RGS7: variants seen among roughly 807,000 people sequenced by gnomAD.
The protein encoded by RGS7 is regulator of G protein signaling 7, also known as regulator of G-protein signaling 7.
A neutral mutation model predicts 81.1 loss-of-function variants in RGS7; 27 were observed. The ratio of observed to expected loss-of-function variants is 0.33; its 90% CI spans 0.25 to 0.46. RGS7 has a LOEUF of 0.46. RGS7 is among the 20% of genes least tolerant of loss of function. The pLI, the probability that RGS7 is intolerant of heterozygous loss-of-function variation, is 1.00. For synonymous variants in RGS7, 208 were observed against 207.7 expected (o/e 1.00, Z -0.01); for missense variants, 396 against 607.4 (o/e 0.65, Z 3.66).
Position 241,271,158 on chromosome 1 carries a change from G to T in RGS7, c.78+84541C>A, listed in dbSNP as rs916528037. 4.6e-5 allele frequency among the ~76,000 whole-genome samples: 7 copies of T among 152,094 alleles called. No individual in the cohort carries two copies. The highest frequency in any genetic ancestry group is 8.8e-5 in the Non-Finnish European group (6 of 68,036). ...GTATTTTCTATTGGCGGGAACTTAC[G>T]TGGCTAAAACGTCTCCTTTATAATG... is the stretch of plus-strand genomic sequence containing the variant. On this transcript the variant is annotated intron_variant, in intron 2 of 18. Coordinates refer to ENST00000440928, the MANE Select transcript of RGS7 (RefSeq NM_001364886.1). The surrounding 1 kb of genome is among the most constrained non-coding windows in gnomAD (Gnocchi z 4.6).
chr1:240,977,738 T>C (rs1188623415), intron 4 of RGS7, among the ~76,000 whole-genome samples: 2 of 152,172 alleles, frequency 1.3e-5, no homozygotes, highest in East Asian at 3.8e-4. Context: ...GCAGAATATA[T>C]GTGAGAAGGC....
At chr1:241,293,139 T>G (rs191435584) in intron 2 of RGS7, among the ~76,000 whole-genome samples, 7 of 152,314 alleles carry the variant, frequency 4.6e-5, no homozygotes, top group African/African-American at 1.7e-4. Context: ...GAGATTATAA[T>G]GGAGCTGAAA....
chr1:240,786,104 G>T lies in RGS7; in HGVS notation c.*7-9891C>A, dbSNP rs188514324. ...TCCTAAGAGAATTGAGAAAGAATAA[G>T]TATAGCCAAATACTTTCATTTTCTT... On this transcript the variant is annotated intron_variant, in intron 18 of 18. Coordinates refer to ENST00000440928, the MANE Select transcript of RGS7 (RefSeq NM_001364886.1). 2.2e-3 allele frequency among the ~76,000 whole-genome samples: 337 copies of T among 152,086 alleles called. 2 individuals carry two copies. Among genetic ancestry groups the T allele is most frequent in the African/African-American group, 7.4e-3 (308 of 41,476 alleles).
intron 2 of RGS7, among the ~76,000 whole-genome samples, chr1:241,169,410 C>G (rs1172622270): frequency 8.0e-6 from 1 of 124,410 alleles, no homozygotes; most frequent in Non-Finnish European, 1.6e-5. Context: ...GTGGCGCGAT[C>G]TTGGGTCACT....
chr1:241,228,489 G>C (rs1422252374), intron 2 of RGS7, among the ~76,000 whole-genome samples: 1 of 152,132 alleles, frequency 6.6e-6, no homozygotes, highest in Non-Finnish European at 1.5e-5. Context: ...TGGGCATTGA[G>C]CCCGCTGAAC....
intron 3 of RGS7, among the ~76,000 whole-genome samples, chr1:241,083,415 A>G (rs1023210667): frequency 2.6e-5 from 4 of 152,100 alleles, no homozygotes; most frequent in Admixed American, 6.5e-5. Context: ...CCATTAGGGG[A>G]ATATAGACTC....
chr1:240,813,847 G>A (rs1039899779), intron 12 of RGS7, 119 bp from the exon 13 acceptor site: 6 of 707,730 alleles, frequency 8.5e-6, no homozygotes, highest in Admixed American at 6.2e-5. Context: ...CTTAAAGCAT[G>A]AAATCCAATG....
At chr1:240,837,078 G>C (rs1247700136) in intron 9 of RGS7, among the ~76,000 whole-genome samples, 1 of 152,134 alleles carries the variant, frequency 6.6e-6, no homozygotes, top group East Asian at 1.9e-4. Context: ...GCTTCTTTGT[G>C]GTCACTGGGA....
intron 2 of RGS7, among the ~76,000 whole-genome samples, chr1:241,216,332 G>C (rs4660044): frequency 0.31 from 46,880 of 151,802 alleles, 8,317 homozygotes; most frequent in East Asian, 0.59. Flanking sequence ...AATAAAAAGA[G>C]GTAAAACATG....
intron 2 of RGS7, among the ~76,000 whole-genome samples, chr1:241,278,168 T>A (rs2078297909): frequency 6.6e-6 from 1 of 152,312 alleles, no homozygotes; most frequent in East Asian, 1.9e-4. Flanking sequence ...TTCTTCTACT[T>A]ATTGCCTGAG....
At chr1:240,956,997 T>TTGA (rs1200482244) in intron 4 of RGS7, among the ~76,000 whole-genome samples, 5 of 152,120 alleles carry the variant, frequency 3.3e-5, no homozygotes, top group Non-Finnish European at 7.4e-5. Flanking sequence ...GGTGTGATGG[T>TTGA]TGATAATAAG....
At chr1:241,052,314 A>T (rs1287828963) in intron 3 of RGS7, among the ~76,000 whole-genome samples, 1 of 152,152 alleles carries the variant, frequency 6.6e-6, no homozygotes, top group Non-Finnish European at 1.5e-5. Context: ...GTTAAGGAGA[A>T]AAGAAACAGG....
At chr1:241,046,114 G>A (rs748021293) in intron 3 of RGS7, among the ~76,000 whole-genome samples, 32 of 152,000 alleles carry the variant, frequency 2.1e-4, no homozygotes, top group Non-Finnish European at 4.3e-4. Flanking sequence ...TTCCTACCAA[G>A]CATTTTGTTT....
chr1:240,990,774 G>A (rs1419122250), intron 3 of RGS7, among the ~76,000 whole-genome samples: 9 of 152,146 alleles, frequency 5.9e-5, no homozygotes, highest in Admixed American at 5.2e-4. Flanking sequence ...AAGGTCAATG[G>A]AAACAAAATA....
rs1355509875 is a variant in RGS7, at chr1:241,327,139, AAAGAAAGG to A, written c.78+28552_78+28559del. The stretch of plus-strand genomic sequence containing the variant: ...GAAAGAAAGAAAGAAAGAAAGAAAG[AAAGAAAGG>A]AAAGAAAGAAAGAAAGAAACACACA... On this transcript the variant is annotated intron_variant, in intron 2 of 18. Coordinates refer to ENST00000440928, the MANE Select transcript of RGS7 (RefSeq NM_001364886.1). 1.9e-4 allele frequency among the ~76,000 whole-genome samples: 20 copies of A among 105,148 alleles called. 1 individual carries two copies. Among genetic ancestry groups the A allele is most frequent in the East Asian group, 4.9e-4 (2 of 4,102 alleles). 69.0% of individuals were successfully genotyped at this position (105,148 alleles called of 152,430 possible).
At chr1:241,108,419 G>A (rs2065281259) in intron 2 of RGS7, among the ~76,000 whole-genome samples, 1 of 152,080 alleles carries the variant, frequency 6.6e-6, no homozygotes. Flanking sequence ...ACAGAAAGAC[G>A]GAAGTAGCAT....
chr1:240,834,912 C>T (rs1274049779), intron 9 of RGS7, among the ~76,000 whole-genome samples: 8 of 123,384 alleles, frequency 6.5e-5, no homozygotes, highest in Non-Finnish European at 1.1e-4. Context: ...TCAGACCTTA[C>T]ACTCCACACA....
intron 2 of RGS7, among the ~76,000 whole-genome samples, chr1:241,299,936 A>AAC: frequency 2.5e-4 from 1 of 4,036 alleles, no homozygotes; most frequent in Non-Finnish European, 9.3e-4. Context: ...TCGTTTCTCC[A>AAC]AAAAAAAAAA....
chr1:240,790,725 G>A (rs973824783), intron 18 of RGS7, among the ~76,000 whole-genome samples: 6 of 152,168 alleles, frequency 3.9e-5, no homozygotes, highest in Non-Finnish European at 8.8e-5. Flanking sequence ...ATACCCATTT[G>A]TCACTGAGCC....
Sources: gnomAD v4.1 joint callset for allele counts (sites outside exome capture counted in the v4.1 genomes callset) on GRCh38, gnomAD v4.1.1 for gene constraint, Gnocchi (gnomAD v3.1) non-coding constraint, MANE v1.5 for transcripts, NCBI Gene and HGNC (gene_info 2026-07-23, HGNC 2026-07-21) for gene names.